Variants in SNX29 observed in about 807,000 individuals in gnomAD.
SNX29 encodes the protein sorting nexin 29.
Under a neutral mutation model 102.1 loss-of-function variants are expected in SNX29, and 78 were observed. That is an observed-to-expected ratio of 0.76 (90% CI 0.64 to 0.92). The LOEUF is 0.92. SNX29 is among the 40% of genes least tolerant of loss of function. SNX29 has a pLI of 0.00. For missense variants in SNX29, 1,280 were observed against 1,061.7 expected, an observed-to-expected ratio of 1.21 and a Z score of -2.86; for synonymous variants, 580 against 414.5, an observed-to-expected ratio of 1.40 and a Z score of -4.85.
chr16:12,349,891 T>A (rs1418115272), intron 15 of SNX29, among the ~76,000 whole-genome samples: 3 of 152,356 alleles, frequency 2.0e-5, no homozygotes, highest in Admixed American at 6.5e-5. Context: ...TTTTCTTTTT[T>A]AAAAAACTTT....
intron 13 of SNX29, among the ~76,000 whole-genome samples, chr16:12,186,377 A>T (rs1049912209): frequency 3.9e-5 from 6 of 152,198 alleles, no homozygotes; most frequent in Admixed American, 3.3e-4. Context: ...ATCTCTGTGT[A>T]TCCATACAAA....
chr16:12,554,710 C>G (rs1159682474), intron 20 of SNX29, among the ~76,000 whole-genome samples: 2 of 152,198 alleles, frequency 1.3e-5, no homozygotes, highest in Non-Finnish European at 2.9e-5. Context: ...TGCCTGGTGA[C>G]AGCTGTCTTT....
intron 18 of SNX29, among the ~76,000 whole-genome samples, chr16:12,473,305 T>A (rs901983387): frequency 1.3e-5 from 2 of 152,192 alleles, no homozygotes; most frequent in Non-Finnish European, 2.9e-5. Flanking sequence ...TTGAGTAATT[T>A]TAATGGCATT....
chr16:12,196,044 T>G (rs896555329), intron 13 of SNX29, among the ~76,000 whole-genome samples: 5 of 150,852 alleles, frequency 3.3e-5, no homozygotes, highest in Admixed American at 6.6e-5. Flanking sequence ...GGCTGGATCT[T>G]TGTTCACTGC....
chr16:12,225,554 C>T (rs1366486836), intron 14 of SNX29, among the ~76,000 whole-genome samples: 1 of 152,198 alleles, frequency 6.6e-6, no homozygotes, highest in Non-Finnish European at 1.5e-5. Context: ...GCCTCTCCAG[C>T]CATGTGGAAC....
Position 12,571,736 on chromosome 16 carries a change from A to G in SNX29, c.*3107A>G, listed in dbSNP as rs967501627. The G allele has an allele frequency of 1.6e-5, 16 of 1,029,994 alleles. No homozygotes were observed. In the African/African-American group the frequency reaches 2.7e-4, roughly 17 times the overall value. 63.8% of individuals were successfully genotyped at this position (1,029,994 alleles called of 1,614,324 possible). A position where few individuals can be genotyped will look rare whatever the true frequency, so the allele number is the denominator to read the frequency against. ...GGAGGGAGCTTAAAGGCTGCTAGAAACCTAGCCCAACCATCCACTCCTGAT... is the reference window on the plus strand; with the variant it reads ...GGAGGGAGCTTAAAGGCTGCTAGAAGCCTAGCCCAACCATCCACTCCTGAT... On this transcript the variant is annotated 3_prime_UTR_variant, in exon 21 of 21. Coordinates refer to ENST00000566228, the MANE Select transcript of SNX29 (RefSeq NM_032167.5).
Position 12,567,310 on chromosome 16 carries a change from A to G in SNX29, c.2319-1196A>G, listed in dbSNP as rs908196932. On this transcript the variant is annotated intron_variant, in intron 20 of 20. Coordinates refer to ENST00000566228, the MANE Select transcript of SNX29 (RefSeq NM_032167.5). ...TACATCCAGCAAGCCACAGCAGCACAGAGGTGCTGCGGACGCAGGAGTGGA... is the reference window on the plus strand; with the variant it reads ...TACATCCAGCAAGCCACAGCAGCACGGAGGTGCTGCGGACGCAGGAGTGGA... Among the ~76,000 whole-genome samples, 14 of 150,802 alleles carry G rather than the reference A, an allele frequency of 9.3e-5. 1 individual carries two copies. The highest frequency in any genetic ancestry group is 7.9e-4 in the Admixed American group (12 of 15,244).
At chr16:12,064,612 A>G (rs931491011) in intron 9 of SNX29, among the ~76,000 whole-genome samples, 1 of 152,192 alleles carries the variant, frequency 6.6e-6, no homozygotes, top group African/African-American at 2.4e-5. Flanking sequence ...GCATAGGGAG[A>G]AACATTATTC....
At chr16:12,045,521 C>G (rs1323269050) in intron 5 of SNX29, among the ~76,000 whole-genome samples, 1 of 152,068 alleles carries the variant, frequency 6.6e-6, no homozygotes. Flanking sequence ...CCTACCCCAA[C>G]TGCCATCTAT....
intron 15 of SNX29, among the ~76,000 whole-genome samples, chr16:12,285,782 A>G (rs1248358461): frequency 1.3e-5 from 2 of 152,220 alleles, no homozygotes; most frequent in Non-Finnish European, 2.9e-5. Context: ...AGGACTCAGG[A>G]TAAAAAACTC....
chr16:12,164,840 ACC>A (rs1297169773), intron 13 of SNX29, among the ~76,000 whole-genome samples: 5 of 151,888 alleles, frequency 3.3e-5, no homozygotes, highest in Non-Finnish European at 7.4e-5. Flanking sequence ...GGTGCCCACC[ACC>A]ATGCCCAGCT....
chr16:11,998,267 A>C (rs1253175962), intron 1 of SNX29, among the ~76,000 whole-genome samples: 1 of 152,184 alleles, frequency 6.6e-6, no homozygotes, highest in Non-Finnish European at 1.5e-5. Flanking sequence ...TGTCTGGTGC[A>C]TCATACTCCG....
At chr16:12,500,640 C>G (rs1223945859) in intron 19 of SNX29, among the ~76,000 whole-genome samples, 3 of 152,266 alleles carry the variant, frequency 2.0e-5, no homozygotes, top group Admixed American at 6.5e-5. Context: ...TCTGTCTATT[C>G]TTTCTCAATA....
At chr16:12,170,710 A>C (rs866427579) in intron 13 of SNX29, among the ~76,000 whole-genome samples, 6 of 151,506 alleles carry the variant, frequency 4.0e-5, no homozygotes, top group Middle Eastern at 3.4e-3. Flanking sequence ...GTCCCAGAGA[A>C]GGGGTTCTGT....
At chr16:12,479,820 T>A (rs1275456564) in intron 19 of SNX29, among the ~76,000 whole-genome samples, 1 of 152,152 alleles carries the variant, frequency 6.6e-6, no homozygotes, top group Non-Finnish European at 1.5e-5. Context: ...CTTCACGGAA[T>A]CTGCCTGTGT....
chr16:12,161,187 G>A (rs1393360851), intron 13 of SNX29, among the ~76,000 whole-genome samples: 1 of 152,220 alleles, frequency 6.6e-6, no homozygotes, highest in Non-Finnish European at 1.5e-5. Flanking sequence ...GGCCCTTGAA[G>A]CCATGTTGAC....
rs545879241 is a variant in SNX29 at position 12,038,268 on chromosome 16, A to G, written c.248-4629A>G. On this transcript the variant is annotated intron_variant, in intron 4 of 20. Transcript: ENST00000566228. ...TTTCCCAAGGTCACACAGTGCCTGAACTAGAATTTGGGACAAGGTTTTTGT... is the reference window on the plus strand; with the variant it reads ...TTTCCCAAGGTCACACAGTGCCTGAGCTAGAATTTGGGACAAGGTTTTTGT... Among the ~76,000 whole-genome samples the G allele has an allele frequency of 3.1e-4, 47 of 152,350 alleles. No homozygotes were observed. The South Asian group carries it at 3.9e-3, about 13-fold the overall frequency.
intron 20 of SNX29, among the ~76,000 whole-genome samples, chr16:12,548,667 AAGT>A (rs1349212020): frequency 1.3e-5 from 2 of 152,178 alleles, no homozygotes; most frequent in African/African-American, 4.8e-5. Context: ...ACTCAGCAAG[AAGT>A]GAAGTTTAAA....
chr16:12,020,989 G>T (rs917216646), intron 3 of SNX29, among the ~76,000 whole-genome samples: 1 of 152,132 alleles, frequency 6.6e-6, no homozygotes, highest in Non-Finnish European at 1.5e-5. Context: ...TCTGAGATAT[G>T]GCTCATACTG....
Sources: gnomAD v4.1 joint callset for allele counts (sites outside exome capture counted in the v4.1 genomes callset) on GRCh38, gnomAD v4.1.1 for gene constraint, MANE v1.5 for transcripts, NCBI Gene and HGNC (gene_info 2026-07-23, HGNC 2026-07-21) for gene names.